SUSD1: variants seen among roughly 807,000 people sequenced by gnomAD.
The protein encoded by SUSD1 is sushi domain-containing protein 1.
SUSD1 carries 65 observed loss-of-function variants against 86.9 expected under a neutral mutation model. The observed-to-expected ratio is 0.75, with a 90% CI of 0.61 to 0.92. The LOEUF is 0.92. Among genes scored for constraint, SUSD1 ranks in the 40% least tolerant of loss-of-function variants. The pLI is 0.00. For missense variants in SUSD1, 850 were observed against 929.7 expected (o/e 0.91, Z 1.11); for synonymous variants, 346 against 350.0 (o/e 0.99, Z 0.13).
At chr9:112,107,667 C>T (rs1406492766) in intron 8 of SUSD1, among the ~76,000 whole-genome samples, 1 of 152,030 alleles carries the variant, frequency 6.6e-6, no homozygotes, top group Non-Finnish European at 1.5e-5. Context: ...AATGCAAGCA[C>T]AAATAAATTA....
At position 112,142,441 on chromosome 9, in the gene SUSD1, C is replaced by T. The variant is rs758586903; in HGVS notation, c.585G>A (p.Thr195=). Residue 195 remains threonine (T), a synonymous_variant, in exon 5 of 17, where the codon ACG becomes ACA. Transcript: ENST00000374270. ...VPDGYIIGNY[T]SSLGSQVRYA... is the part of the protein sequence containing the mutation. ...AACGAACCTGGCTGCCCAGACTAGA[C>T]GTATAATTTCCTATGATATAGCCAT... is the stretch of plus-strand genomic sequence containing the variant. 33 of 1,613,878 alleles carry T rather than the reference C, an allele frequency of 2.0e-5. No individual in the cohort carries two copies. Among genetic ancestry groups the T allele is most frequent in the East Asian group, 6.7e-5 (3 of 44,888 alleles).
intron 6 of SUSD1, among the ~76,000 whole-genome samples, chr9:112,118,162 C>T (rs1200985186): frequency 6.6e-6 from 1 of 152,194 alleles, no homozygotes; most frequent in East Asian, 1.9e-4. Flanking sequence ...AGCTCAGCAT[C>T]ATTTCTAGTC....
chr9:112,130,287 C>A (rs1831959712), intron 5 of SUSD1, among the ~76,000 whole-genome samples: 1 of 151,834 alleles, frequency 6.6e-6, no homozygotes, highest in Admixed American at 6.6e-5. Flanking sequence ...GCAGGAGGAT[C>A]GCTTGAACCT....
At chr9:112,065,895 G>A (rs962235650) in intron 12 of SUSD1, among the ~76,000 whole-genome samples, 43 of 152,212 alleles carry the variant, frequency 2.8e-4, no homozygotes, top group African/African-American at 1.0e-3. Flanking sequence ...CACAGCAGCC[G>A]TCAGCGCCTG....
rs747658309 is a variant in SUSD1 at position 112,101,665 on chromosome 9, G to A, written c.1281+511C>T. ...GTTTGAGACCAGCCTGACCAACATG[G>A]AGAAACCCCATCTCTACTAAAAATA... is the stretch of plus-strand genomic sequence containing the variant. On this transcript the variant is annotated intron_variant, in intron 9 of 16. Coordinates refer to ENST00000374270, the MANE Select transcript of SUSD1 (RefSeq NM_022486.5). 7.2e-5 allele frequency among the ~76,000 whole-genome samples: 11 copies of A among 152,084 alleles called. No individual in the cohort carries two copies. In the East Asian group the frequency reaches 1.2e-3, roughly 16 times the overall value.
chr9:112,069,293 C>T (rs879518198), intron 12 of SUSD1, among the ~76,000 whole-genome samples: 11 of 152,168 alleles, frequency 7.2e-5, no homozygotes, highest in Non-Finnish European at 1.3e-4. Flanking sequence ...CCTAAACCTG[C>T]GGCATTGCCA....
chr9:112,041,985 G>A, intron 15 of SUSD1, 25 bp from the exon 16 acceptor site: 2 of 1,611,476 alleles, frequency 1.2e-6, no homozygotes, highest in Non-Finnish European at 8.5e-7. Flanking sequence ...CACAGGCTTA[G>A]CCCAGAGTGC....
chr9:112,130,328 G>T (rs529475118), intron 5 of SUSD1, among the ~76,000 whole-genome samples: 16 of 151,078 alleles, frequency 1.1e-4, no homozygotes, highest in African/African-American at 3.9e-4. Flanking sequence ...AGCCAAGAAT[G>T]CACCACTGCA....
chr9:112,125,474 TATAAA>T (rs1252917281), intron 5 of SUSD1, among the ~76,000 whole-genome samples: 9 of 151,750 alleles, frequency 5.9e-5, no homozygotes, highest in African/African-American at 2.2e-4. Flanking sequence ...GTATAATAAC[TATAAA>T]ATAAGATGGC....
At chr9:112,146,873 T>G (rs1832829973) in intron 3 of SUSD1, among the ~76,000 whole-genome samples, 1 of 152,198 alleles carries the variant, frequency 6.6e-6, no homozygotes, top group South Asian at 2.1e-4. Context: ...TGGTCTGAAG[T>G]GATCCTCCAG....
intron 2 of SUSD1, among the ~76,000 whole-genome samples, chr9:112,155,928 G>A (rs1456212181): frequency 2.0e-5 from 3 of 149,756 alleles, no homozygotes; most frequent in Non-Finnish European, 3.0e-5. Flanking sequence ...GGAGGAAGAA[G>A]AAGGAAGAGA....
chr9:112,125,866 C>T (rs1417757515), intron 5 of SUSD1, among the ~76,000 whole-genome samples: 1 of 152,166 alleles, frequency 6.6e-6, no homozygotes, highest in Non-Finnish European at 1.5e-5. Flanking sequence ...GATGCTTGGG[C>T]TGTTGCAGGA....
chr9:112,112,006 G>A, intron 7 of SUSD1, 166 bp from the exon 8 acceptor site: 1 of 643,544 alleles, frequency 1.6e-6, no homozygotes, highest in East Asian at 2.8e-5. Flanking sequence ...GATCAGCCCA[G>A]TGAATATTAA....
At chr9:112,064,429 C>T (rs796715251) in intron 12 of SUSD1, among the ~76,000 whole-genome samples, 1 of 152,336 alleles carries the variant, frequency 6.6e-6, no homozygotes, top group African/African-American at 2.4e-5. Context: ...TATCCCGAAA[C>T]CATCCCCCTA....
At chr9:112,100,857 GACAC>G (rs5899985) in intron 9 of SUSD1, among the ~76,000 whole-genome samples, 14,965 of 140,406 alleles carry the variant, frequency 0.11, 1,014 homozygotes, top group Non-Finnish European at 0.16. Flanking sequence ...ATTGTACCTG[GACAC>G]ACACACACAC....
chr9:112,060,986 A>G (rs747236203), intron 13 of SUSD1, among the ~76,000 whole-genome samples: 5 of 152,156 alleles, frequency 3.3e-5, no homozygotes, highest in Non-Finnish European at 7.3e-5. Flanking sequence ...GACCGTAATC[A>G]CCTGTGTTGC....
In SUSD1 at chr9:112,160,422, T is replaced by C. The variant is rs144706190; in HGVS notation, c.104-2809A>G. 8.2e-4 allele frequency among the ~76,000 whole-genome samples: 125 copies of C among 152,242 alleles called. 2 individuals are homozygous for C. Among genetic ancestry groups the C allele is most frequent in the African/African-American group, 2.8e-3 (118 of 41,514 alleles). The stretch of plus-strand genomic sequence containing the variant: ...AGCCGGGCGCAGTGGCAGGCAGCTG[T>C]ACTCCCAGCTACTCAGTAGGCTGAG... On this transcript the variant is annotated intron_variant, in intron 1 of 16. Coordinates refer to ENST00000374270, the MANE Select transcript of SUSD1 (RefSeq NM_022486.5).
chr9:112,140,347 C>A lies in SUSD1; in HGVS notation c.706+1973G>T, dbSNP rs1589713673. Among the ~76,000 whole-genome samples the A allele has an allele frequency of 1.4e-5, 2 of 143,100 alleles. 1 individual carries two copies. Among genetic ancestry groups the A allele is most frequent in the Non-Finnish European group, 3.0e-5 (2 of 66,418 alleles). 93.9% of individuals were successfully genotyped at this position (143,100 alleles called of 152,430 possible). A position where few individuals can be genotyped will look rare whatever the true frequency, so the allele number is the denominator to read the frequency against. ...ACTGCAGTCCGCAGTCCGGCCTGGG[C>A]GACAGAGCGAGACTCCGTCTCCAAA... On this transcript the variant is annotated intron_variant, in intron 5 of 16. Coordinates refer to ENST00000374270, the MANE Select transcript of SUSD1 (RefSeq NM_022486.5).
At chr9:112,043,835 C>G (rs1827844867) in intron 15 of SUSD1, among the ~76,000 whole-genome samples, 1 of 152,126 alleles carries the variant, frequency 6.6e-6, no homozygotes, top group Non-Finnish European at 1.5e-5. Context: ...GAGTCTTGCT[C>G]TGTCACCCAG....
Sources: allele counts gnomAD v4.1 joint callset (sites outside exome capture counted in the v4.1 genomes callset), GRCh38; gene constraint gnomAD v4.1.1; transcripts MANE v1.5; gene names NCBI Gene and HGNC (gene_info 2026-07-23, HGNC 2026-07-21).